The following NRXN3 variants were observed in gnomAD, a reference collection of about 807,000 sequenced individuals.
NRXN3 encodes neurexin III.
Under a neutral mutation model 137.6 loss-of-function variants are expected in NRXN3, and 32 were observed. The observed-to-expected ratio is 0.23, with a 90% confidence interval of 0.18 to 0.31. NRXN3 has a LOEUF of 0.31. NRXN3 is among the 10% of genes least tolerant of loss of function. The pLI is 1.00. For missense variants in NRXN3, 1,574 were observed against 2,062.5 expected (o/e 0.76, Z 4.59); for synonymous variants, 798 against 784.5 (o/e 1.02, Z -0.29).
intron 6 of NRXN3, among the ~76,000 whole-genome samples, chr14:78,696,350 A>G (rs2152787687): frequency 6.6e-6 from 1 of 152,144 alleles, no homozygotes; most frequent in East Asian, 1.9e-4. Context: ...AAATGAGGAT[A>G]ATAGTAACCA....
intron 10 of NRXN3, among the ~76,000 whole-genome samples, chr14:78,883,889 G>T (rs2099135985): frequency 6.6e-6 from 1 of 152,104 alleles, no homozygotes; most frequent in South Asian, 2.1e-4. Flanking sequence ...TTAATACATG[G>T]TAAGTATATA....
chr14:79,482,802 T>A (rs1281475279), intron 16 of NRXN3, among the ~76,000 whole-genome samples: 2 of 152,198 alleles, frequency 1.3e-5, no homozygotes, highest in Non-Finnish European at 2.9e-5. Flanking sequence ...TTTGCAATCC[T>A]GCCTAGACTG....
At chr14:78,729,914 C>G (rs2098506621) in intron 8 of NRXN3, among the ~76,000 whole-genome samples, 1 of 152,178 alleles carries the variant, frequency 6.6e-6, no homozygotes, top group Admixed American at 6.5e-5. Flanking sequence ...GGGATTATTT[C>G]TAAAGTTAAC....
At position 78,915,371 on chromosome 14, in the gene NRXN3, A is replaced by C. The variant is rs2964909; in HGVS notation, c.2276-41871A>C. On this transcript the variant is annotated intron_variant, in intron 10 of 20. Transcript: ENST00000335750. ...AAAAAAAAAAAAAAAAAAAAAAAAAAACCACACAGAAAAAAAACAAGCAAG... is the reference window on the plus strand; with the variant it reads ...AAAAAAAAAAAAAAAAAAAAAAAAACACCACACAGAAAAAAAACAAGCAAG... Among the ~76,000 whole-genome samples the C allele has an allele frequency of 3.1e-4, 45 of 144,624 alleles. 2 individuals are homozygous for C. The highest frequency in any genetic ancestry group is 1.0e-3 in the African/African-American group (39 of 37,468). 94.9% of individuals were successfully genotyped at this position (144,624 alleles called of 152,430 possible).
chr14:78,449,459 C>T (rs1410475567), intron 4 of NRXN3, among the ~76,000 whole-genome samples: 1 of 152,240 alleles, frequency 6.6e-6, no homozygotes, highest in African/African-American at 2.4e-5. Context: ...AGTGATCCAC[C>T]TGCCTTGGCC....
chr14:79,715,175 G>A (rs1481765316), intron 19 of NRXN3, among the ~76,000 whole-genome samples: 2 of 152,080 alleles, frequency 1.3e-5, no homozygotes, highest in African/African-American at 2.4e-5. Flanking sequence ...GGATGGTCTC[G>A]ATCTCCTGAC....
chr14:78,363,111 C>A (rs1231778899), intron 4 of NRXN3, among the ~76,000 whole-genome samples: 2 of 152,206 alleles, frequency 1.3e-5, no homozygotes, highest in East Asian at 3.9e-4. Context: ...GTCATTCCTG[C>A]TGCAGGCTGC....
chr14:78,966,266 C>G lies in NRXN3; in HGVS notation c.2637C>G (p.Ser879Arg). 1 of 1,614,200 alleles carries G rather than the reference C, an allele frequency of 6.2e-7. No homozygotes were observed. ...IADPVTFKTK[S>R]SYLSLATLQA... The stretch of plus-strand genomic sequence containing the variant: ...ACCCTGTCACCTTTAAGACCAAGAG[C>G]AGCTACCTGAGCCTTGCCACTCTTC... Residue 879 changes from serine (S) to arginine (R), a missense_variant, in exon 12 of 21, where the codon AGC becomes AGG. Around this residue, in one of 5 missense-constraint regions of NRXN3, gnomAD observed 718 missense variants for 887.6 expected, o/e 0.81. Transcript: ENST00000335750.
intron 4 of NRXN3, among the ~76,000 whole-genome samples, chr14:78,429,939 A>T (rs975098530): frequency 8.5e-5 from 13 of 152,312 alleles, no homozygotes; most frequent in African/African-American, 2.9e-4. Context: ...GAGCATTAGA[A>T]TTGAAAGGGA....
At chr14:78,257,700 T>C (rs1252496399) in intron 2 of NRXN3, among the ~76,000 whole-genome samples, 2 of 152,196 alleles carry the variant, frequency 1.3e-5, no homozygotes, top group African/African-American at 4.8e-5. Flanking sequence ...AACGAGAGGA[T>C]GAGTTAGGGA....
At chr14:78,341,240 G>A (rs955844368) in intron 4 of NRXN3, among the ~76,000 whole-genome samples, 29 of 152,080 alleles carry the variant, frequency 1.9e-4, no homozygotes, top group Non-Finnish European at 1.5e-5. Context: ...ATTTGAAAAA[G>A]CCTCCTAGGG....
chr14:79,679,838 T>C (rs1001138168), intron 17 of NRXN3, among the ~76,000 whole-genome samples: 1 of 152,170 alleles, frequency 6.6e-6, no homozygotes, highest in Non-Finnish European at 1.5e-5. Context: ...TTTTAAAAAA[T>C]GCTATTCTGG....
intron 16 of NRXN3, among the ~76,000 whole-genome samples, chr14:79,470,804 G>C (rs1035655957): frequency 6.6e-6 from 1 of 151,820 alleles, no homozygotes; most frequent in African/African-American, 2.4e-5. Flanking sequence ...TGGTGGTCAG[G>C]CTAGTAAAGT....
rs1285115611 is a variant in NRXN3 at position 79,867,421 on chromosome 14, C to G, written c.*5457C>G. On this transcript the variant is annotated 3_prime_UTR_variant, in exon 21 of 21. Coordinates refer to ENST00000335750, the MANE Select transcript of NRXN3 (RefSeq NM_001330195.2). Reference sequence around the variant, plus strand: ...TTTCTGGGAAGGGCTCTCTTCCTGGCTTGTAGATAATAAGCTACCTTCTCA... The same window carrying G: ...TTTCTGGGAAGGGCTCTCTTCCTGGGTTGTAGATAATAAGCTACCTTCTCA... 6.6e-6 allele frequency: 1 copy of G among 152,176 alleles called. No individual in the cohort carries two copies. Among genetic ancestry groups the G allele is most frequent in the Non-Finnish European group, 1.5e-5 (1 of 68,046 alleles). The allele number at this position is 152,176 out of a possible 1,614,324, so 9.4% of individuals were successfully genotyped here.
At chr14:79,790,409 C>T (rs2099141491) in intron 19 of NRXN3, among the ~76,000 whole-genome samples, 1 of 152,028 alleles carries the variant, frequency 6.6e-6, no homozygotes, top group African/African-American at 2.4e-5. Flanking sequence ...CTCGAGCAAT[C>T]CTGCTGCCTT....
chr14:79,338,196 G>T lies in NRXN3; in HGVS notation c.3263-129025G>T, dbSNP rs539912793. Among the ~76,000 whole-genome samples the T allele has an allele frequency of 9.2e-5, 13 of 141,156 alleles. No individual in the cohort carries two copies. The East Asian group carries it at 1.4e-3, about 15-fold the overall frequency. The allele number at this position is 141,156 out of a possible 152,430, so 92.6% of individuals were successfully genotyped here. On this transcript the variant is annotated intron_variant, in intron 15 of 20. Coordinates refer to ENST00000335750, the MANE Select transcript of NRXN3 (RefSeq NM_001330195.2). Reference sequence around the variant, plus strand: ...TTCTCCCATGAGCCCAGGCAGCCGGGGTGTGTGTGTGTGTGTATGTGAGTG... The same window carrying T: ...TTCTCCCATGAGCCCAGGCAGCCGGTGTGTGTGTGTGTGTGTATGTGAGTG...
At chr14:79,657,011 T>C (rs1011907007) in intron 16 of NRXN3, among the ~76,000 whole-genome samples, 1 of 152,068 alleles carries the variant, frequency 6.6e-6, no homozygotes, top group African/African-American at 2.4e-5. Context: ...CTGTCATCCA[T>C]ATTAGTACTA....
intron 15 of NRXN3, among the ~76,000 whole-genome samples, chr14:79,046,022 G>A (rs1313744166): frequency 3.3e-5 from 5 of 152,188 alleles, no homozygotes; most frequent in Non-Finnish European, 7.3e-5. Flanking sequence ...TTGTATGAAT[G>A]TATCAAATTA....
At chr14:79,563,464 A>G (rs759502502) in intron 16 of NRXN3, among the ~76,000 whole-genome samples, 8 of 152,150 alleles carry the variant, frequency 5.3e-5, no homozygotes, top group African/African-American at 7.2e-5. Context: ...TCAATATGCT[A>G]TGGAAGTAAT....
Sources: allele counts gnomAD v4.1 joint callset (sites outside exome capture counted in the v4.1 genomes callset), GRCh38; gene constraint gnomAD v4.1.1; regional missense constraint gnomAD v4.1.1; transcripts MANE v1.5; gene names NCBI Gene and HGNC (gene_info 2026-07-23, HGNC 2026-07-21).